The following LRRC70 variants were observed in gnomAD, a reference collection of about 807,000 sequenced individuals.
LRRC70 encodes leucine rich repeat containing 70.
LRRC70 carries 31 observed loss-of-function variants against 42.4 expected under a neutral mutation model. That is an observed-to-expected ratio of 0.73 (90% CI 0.55 to 0.99). The LOEUF (loss-of-function observed/expected upper bound fraction) is 0.99. LRRC70 is among the 50% of genes least tolerant of loss of function. The probability of loss-of-function intolerance (pLI) is 0.00; values close to 1 mark genes in which losing one functional copy is unlikely to be tolerated. For missense variants in LRRC70, 643 were observed against 707.5 expected, an observed-to-expected ratio of 0.91 and a Z score of 1.03; for synonymous variants, 270 against 262.9, an observed-to-expected ratio of 1.03 and a Z score of -0.26.
rs1744541385 is a variant in LRRC70 at position 62,581,110 on chromosome 5, G to A, written c.1672G>A (p.Ala558Thr). 1 of 1,549,126 alleles carries A rather than the reference G, an allele frequency of 6.5e-7. No homozygotes were observed. ...TGTTCAGTTTAAACAAAAACTAAAG[G>A]CATCAGAAAACTCAAGGGAAAATAG... is the stretch of plus-strand genomic sequence containing the variant. ...KVVQFKQKLK[A>T]SENSRENRLE... is the part of the protein sequence containing the mutation. Residue 558 changes from alanine to threonine, a missense_variant, in exon 2 of 2, where the codon GCA (alanine) becomes ACA (threonine). By Grantham distance (58) the Ala-to-Thr change is moderately conservative. Transcript: ENST00000334994.
At position 62,579,399 on chromosome 5, in the gene LRRC70, A is replaced by G. The variant is rs762034505; in HGVS notation, c.-38-2A>G. The G allele has an allele frequency of 3.2e-5, 49 of 1,536,804 alleles. No homozygotes were observed. The Middle Eastern group carries it at 6.7e-4, about 21-fold the overall frequency. ...TTAAAGCTTTACCTTCTCTTTTTAT[A>G]GCCAATTCTGATCTGAACAGAAAAT... On this transcript the variant is annotated splice_acceptor_variant, in intron 1 of 1. Coordinates refer to ENST00000334994, the MANE Select transcript of LRRC70 (RefSeq NM_181506.5). LOFTEE classifies it low-confidence loss of function (5UTR_SPLICE).
rs901359291 is a variant in LRRC70, at chr5:62,580,382, T to C, written c.944T>C (p.Ile315Thr). ...TTAGATAGAAACAGAATAATTAGCA[T>C]TGATAATGATACATTTGAAAATATG... ...LKLDRNRIIS[I>T]DNDTFENMGA... Residue 315 changes from isoleucine to threonine, a missense_variant, in exon 2 of 2, where the codon ATT (isoleucine) becomes ACT (threonine). Coordinates refer to ENST00000334994, the MANE Select transcript of LRRC70 (RefSeq NM_181506.5). 9 of 1,548,870 alleles carry C rather than the reference T, an allele frequency of 5.8e-6. No homozygotes were observed. The highest frequency in any genetic ancestry group is 2.7e-5 in the African/African-American group (2 of 72,986).
In LRRC70 at chr5:62,579,954, G is replaced by A; in HGVS notation, c.516G>A (p.Gly172=). ...NLQRNRLTVL[G]SGTFVGMVAL... is the part of the protein sequence containing the mutation. ...AAAGGAATCGCCTCACTGTCCTTGG[G>A]AGTGGTACCTTTGTTGGTATGGTTG... The change falls in exon 2 of 2, where the codon GGG becomes GGA. Residue 172 remains glycine, a synonymous_variant. Coordinates refer to ENST00000334994, the MANE Select transcript of LRRC70 (RefSeq NM_181506.5). The A allele has an allele frequency of 1.3e-6, 2 of 1,551,266 alleles. No homozygotes were observed.
Position 62,580,993 on chromosome 5 carries a change from CA to C in LRRC70, c.1557del (p.Glu520LysfsTer5). The C allele has an allele frequency of 6.4e-7, 1 of 1,551,208 alleles. No individual in the cohort carries two copies. Among genetic ancestry groups the C allele is most frequent in the Non-Finnish European group, 8.7e-7 (1 of 1,146,824 alleles). ...AGGGAAAACATCTCTAATTTGTACA[CA>C]AGAAGTTGAGAAGTTGAATGAGGCT... ...MSGKTSLICT[Q>X]EVEKLNEAFD... is the part of the protein sequence containing the mutation. On this transcript the variant is annotated frameshift_variant, in exon 2 of 2. Coordinates refer to ENST00000334994, the MANE Select transcript of LRRC70 (RefSeq NM_181506.5). LOFTEE classifies it high-confidence loss of function.
Position 62,580,944 on chromosome 5 carries a change from A to G in LRRC70, c.1506A>G (p.Leu502=). ...VTLNLEKNSA[L]PNDAASMSGK... ...TGAACTTGGAAAAAAACAGTGCTCT[A>G]CCGAATGATGCTGCTTCAATGTCAG... The change falls in exon 2 of 2, where the codon CTA becomes CTG. Residue 502 remains leucine, a synonymous_variant. Coordinates refer to ENST00000334994, the MANE Select transcript of LRRC70 (RefSeq NM_181506.5). The G allele has an allele frequency of 6.4e-7, 1 of 1,551,348 alleles. No homozygotes were observed.
rs1189752517 is a variant in LRRC70, at chr5:62,580,208, T to TC, written c.772dup (p.Leu258ProfsTer8). 1 of 1,551,066 alleles carries TC rather than the reference T, an allele frequency of 6.4e-7. No homozygotes were observed. The highest frequency in any genetic ancestry group is 2.0e-5 in the Admixed American group (1 of 50,958). ...AAAGGACTTGCCAATCTGGAATACC[T>TC]CCTCCTGAAAAATTCAAGAATTAGG... On this transcript the variant is annotated frameshift_variant, in exon 2 of 2. Coordinates refer to ENST00000334994, the MANE Select transcript of LRRC70 (RefSeq NM_181506.5). LOFTEE classifies it high-confidence loss of function.
chr5:62,580,714 A>G lies in LRRC70; in HGVS notation c.1276A>G (p.Lys426Glu). 1.9e-6 allele frequency: 3 copies of G among 1,551,460 alleles called. No homozygotes were observed. Among genetic ancestry groups the G allele is most frequent in the South Asian group, 1.2e-5 (1 of 84,060 alleles). The part of the protein sequence containing the change: ...AVVKSPHIHH[K>E]TTALMMAWHK... ...TGTAAAATCTCCTCATATTCATCAC[A>G]AGACTACTGCGCTAATGATGGCCTG... is the stretch of plus-strand genomic sequence containing the variant. Residue 426 changes from lysine (K) to glutamate (E), a missense_variant, in exon 2 of 2, where the codon AAG (lysine) becomes GAG (glutamate). Coordinates refer to ENST00000334994, the MANE Select transcript of LRRC70 (RefSeq NM_181506.5).
Position 62,580,773 on chromosome 5 carries a change from A to G in LRRC70, c.1335A>G (p.Glu445=), listed in dbSNP as rs1580348591. The G allele has an allele frequency of 6.4e-7, 1 of 1,551,462 alleles. No homozygotes were observed. The highest frequency in any genetic ancestry group is 8.7e-7 in the Non-Finnish European group (1 of 1,146,852). ...HKVTTNGSPL[E]NTETENITFW... ...TAACCACAAATGGCAGTCCTCTGGAAAATACTGAGACTGAGAACATTACTT... is the reference window on the plus strand; with the variant it reads ...TAACCACAAATGGCAGTCCTCTGGAGAATACTGAGACTGAGAACATTACTT... Residue 445 remains glutamate, a synonymous_variant, in exon 2 of 2, where the codon GAA becomes GAG. Coordinates refer to ENST00000334994, the MANE Select transcript of LRRC70 (RefSeq NM_181506.5).
In LRRC70 at chr5:62,579,374, T is replaced by A. The variant is rs1326041019; in HGVS notation, c.-38-27T>A. Reference sequence around the variant, plus strand: ...ATTCATTTGATGAAGTTTTCGTGATTTAAAGCTTTACCTTCTCTTTTTATA... The same window carrying A: ...ATTCATTTGATGAAGTTTTCGTGATATAAAGCTTTACCTTCTCTTTTTATA... On this transcript the variant is annotated intron_variant, in intron 1 of 1. Transcript: ENST00000334994. 4.1e-6 allele frequency: 6 copies of A among 1,460,346 alleles called. 1 individual carries two copies. In the South Asian group the frequency reaches 7.4e-5, roughly 18 times the overall value. 90.5% of individuals were successfully genotyped at this position (1,460,346 alleles called of 1,614,324 possible). A position where few individuals can be genotyped will look rare whatever the true frequency, so the allele number is the denominator to read the frequency against.
chr5:62,580,609 A>G lies in LRRC70; in HGVS notation c.1171A>G (p.Met391Val). ...CATCTATTGTCAGAATCCCCCATCC[A>G]TGCGTGGCAGAGCATTACGTTATAT... is the stretch of plus-strand genomic sequence containing the variant. ...LNIYCQNPPS[M>V]RGRALRYINI... is the part of the protein sequence containing the mutation. Residue 391 changes from methionine to valine, a missense_variant, in exon 2 of 2, where the codon ATG becomes GTG. By Grantham distance (21) the Met-to-Val change is conservative. Transcript: ENST00000334994. The G allele has an allele frequency of 1.3e-6, 2 of 1,551,454 alleles. No individual in the cohort carries two copies. Among genetic ancestry groups the G allele is most frequent in the Non-Finnish European group, 1.7e-6 (2 of 1,146,818 alleles).
Position 62,580,816 on chromosome 5 carries a change from A to C in LRRC70, c.1378A>C (p.Thr460Pro). 1 of 1,551,438 alleles carries C rather than the reference A, an allele frequency of 6.4e-7. No homozygotes were observed. The highest frequency in any genetic ancestry group is 8.7e-7 in the Non-Finnish European group (1 of 1,146,874). ...ENITFWERIP[T>P]SPAGRFFQEN... ...CATTACTTTCTGGGAACGAATTCCTACTTCACCTGCTGGTAGATTTTTTCA... is the reference window on the plus strand; with the variant it reads ...CATTACTTTCTGGGAACGAATTCCTCCTTCACCTGCTGGTAGATTTTTTCA... Residue 460 changes from threonine (T) to proline (P), a missense_variant, in exon 2 of 2, where the codon ACT becomes CCT. By Grantham distance (38) the Thr-to-Pro change is conservative. Coordinates refer to ENST00000334994, the MANE Select transcript of LRRC70 (RefSeq NM_181506.5).
chr5:62,580,975 A>G lies in LRRC70; in HGVS notation c.1537A>G (p.Thr513Ala). 6.4e-7 allele frequency: 1 copy of G among 1,551,114 alleles called. No individual in the cohort carries two copies. Among genetic ancestry groups the G allele is most frequent in the Non-Finnish European group, 8.7e-7 (1 of 1,146,784 alleles). ...TGATGCTGCTTCAATGTCAGGGAAA[A>G]CATCTCTAATTTGTACACAAGAAGT... Reference protein sequence around the residue: ...PNDAASMSGKTSLICTQEVEK... With the variant: ...PNDAASMSGKASLICTQEVEK... The change falls in exon 2 of 2, where the codon ACA becomes GCA. Residue 513 changes from threonine to alanine, a missense_variant. Physicochemically the swap from Thr to Ala is moderately conservative, Grantham distance 58. Coordinates refer to ENST00000334994, the MANE Select transcript of LRRC70 (RefSeq NM_181506.5).
Position 62,580,926 on chromosome 5 carries a change from GGAAAAAAACAGTGCTCTACCGAAT to G in LRRC70, c.1491_1514del (p.Glu497_Asn504del). ...TTACTACTTCTGTTACCTTGAACTTGGAAAAAAACAGTGCTCTACCGAATGATGCTGCTTCAATGTCAGGGAAAA... is the reference window on the plus strand; with the variant it reads ...TTACTACTTCTGTTACCTTGAACTTGGATGCTGCTTCAATGTCAGGGAAAA... On this transcript the variant is annotated inframe_deletion, in exon 2 of 2. Coordinates refer to ENST00000334994, the MANE Select transcript of LRRC70 (RefSeq NM_181506.5). 1 of 1,550,584 alleles carries G rather than the reference GGAAAAAAACAGTGCTCTACCGAAT, an allele frequency of 6.4e-7. No homozygotes were observed.
chr5:62,580,982 T>C lies in LRRC70; in HGVS notation c.1544T>C (p.Leu515Pro), dbSNP rs1211451922. Residue 515 changes from leucine to proline, a missense_variant, in exon 2 of 2, where the codon CTA becomes CCA. Leu to Pro is a moderately conservative substitution (Grantham distance 98, BLOSUM62 -3). Coordinates refer to ENST00000334994, the MANE Select transcript of LRRC70 (RefSeq NM_181506.5). ...GCTTCAATGTCAGGGAAAACATCTCTAATTTGTACACAAGAAGTTGAGAAG... is the reference window on the plus strand; with the variant it reads ...GCTTCAATGTCAGGGAAAACATCTCCAATTTGTACACAAGAAGTTGAGAAG... Reference protein sequence around the residue: ...DAASMSGKTSLICTQEVEKLN... With the variant: ...DAASMSGKTSPICTQEVEKLN... 1.3e-6 allele frequency: 2 copies of C among 1,551,210 alleles called. No homozygotes were observed. Among genetic ancestry groups the C allele is most frequent in the East Asian group, 2.4e-5 (1 of 40,906 alleles).
chr5:62,579,725 TTCTG>T lies in LRRC70; in HGVS notation c.289_292del (p.Leu97MetfsTer10), dbSNP rs1744468673. On this transcript the variant is annotated frameshift_variant, in exon 2 of 2. Coordinates refer to ENST00000334994, the MANE Select transcript of LRRC70 (RefSeq NM_181506.5). LOFTEE classifies it high-confidence loss of function. ...GCATTGTATTTGGATAATTCTAACATTCTGTATGTATATCCAAAAGCCTTTGTTC... is the reference window on the plus strand; with the variant it reads ...GCATTGTATTTGGATAATTCTAACATTATGTATATCCAAAAGCCTTTGTTC... 3 of 1,548,142 alleles carry T rather than the reference TTCTG, an allele frequency of 1.9e-6. No individual in the cohort carries two copies. Among genetic ancestry groups the T allele is most frequent in the African/African-American group, 1.4e-5 (1 of 72,810 alleles).
rs1394253135 is a variant in LRRC70, at chr5:62,580,925, T to G, written c.1487T>G (p.Leu496Trp). Residue 496 changes from leucine (L) to tryptophan (W), a missense_variant, in exon 2 of 2, where the codon TTG becomes TGG. Leu to Trp is a moderately conservative substitution (Grantham distance 61). Coordinates refer to ENST00000334994, the MANE Select transcript of LRRC70 (RefSeq NM_181506.5). Reference sequence around the variant, plus strand: ...CTTACTACTTCTGTTACCTTGAACTTGGAAAAAAACAGTGCTCTACCGAAT... The same window carrying G: ...CTTACTACTTCTGTTACCTTGAACTGGGAAAAAAACAGTGCTCTACCGAAT... ...IQLTTSVTLN[L>W]EKNSALPNDA... The G allele has an allele frequency of 6.4e-7, 1 of 1,551,258 alleles. No homozygotes were observed. The highest frequency in any genetic ancestry group is 2.0e-5 in the Admixed American group (1 of 50,946).
rs1744464212 is a variant in LRRC70 at position 62,579,653 on chromosome 5, T to C, written c.215T>C (p.Ile72Thr). 1 of 1,546,344 alleles carries C rather than the reference T, an allele frequency of 6.5e-7. No individual in the cohort carries two copies. The highest frequency in any genetic ancestry group is 1.4e-5 in the African/African-American group (1 of 72,668). ...TVFLYLTGNN[I>T]SYINESELTG... The stretch of plus-strand genomic sequence containing the variant: ...TTTCTGTATCTGACTGGGAATAATA[T>C]ATCTTATATAAATGAAAGTGAATTA... The change falls in exon 2 of 2, where the codon ATA becomes ACA. Residue 72 changes from isoleucine to threonine, a missense_variant. Transcript: ENST00000334994.
In LRRC70 at chr5:62,579,797, T is replaced by C; in HGVS notation, c.359T>C (p.Ile120Thr). ...LYFLFLNNNF[I>T]KRLDPGIFKG... ...TTTCTATTTCTAAATAATAATTTCATCAAACGCTTAGATCCTGGAATATTT... is the reference window on the plus strand; with the variant it reads ...TTTCTATTTCTAAATAATAATTTCACCAAACGCTTAGATCCTGGAATATTT... Residue 120 changes from isoleucine (I) to threonine (T), a missense_variant, in exon 2 of 2, where the codon ATC (isoleucine) becomes ACC (threonine). Transcript: ENST00000334994. 1 of 1,544,046 alleles carries C rather than the reference T, an allele frequency of 6.5e-7. No homozygotes were observed. The highest frequency in any genetic ancestry group is 1.2e-5 in the South Asian group (1 of 82,990).
Position 62,580,137 on chromosome 5 carries a change from T to G in LRRC70, c.699T>G (p.Leu233=), listed in dbSNP as rs1281752870. Residue 233 remains leucine, a synonymous_variant, in exon 2 of 2, where the codon CTT becomes CTG. Coordinates refer to ENST00000334994, the MANE Select transcript of LRRC70 (RefSeq NM_181506.5). ...AAGTACTTAAAAGTCTTAGAAGACT[T>G]TCTTTGTCTCATAATCCTATTGAAG... ...AFEVLKSLRR[L]SLSHNPIEAI... 3.2e-6 allele frequency: 5 copies of G among 1,550,928 alleles called. No homozygotes were observed. The highest frequency in any genetic ancestry group is 2.7e-5 in the African/African-American group (2 of 73,010).
Sources: allele counts gnomAD v4.1 joint callset, GRCh38; gene constraint gnomAD v4.1.1; transcripts MANE v1.5; gene names NCBI Gene and HGNC (gene_info 2026-07-23, HGNC 2026-07-21).